DAB1: variants seen among roughly 807,000 people sequenced by gnomAD.
DAB1 encodes disabled homolog 1.
Under a neutral mutation model 64.6 loss-of-function variants are expected in DAB1, and 15 were observed. The ratio of observed to expected loss-of-function variants is 0.23; its 90% confidence interval spans 0.16 to 0.36. DAB1 has a LOEUF of 0.36. DAB1 is among the 10% of genes least tolerant of loss of function. DAB1 has a pLI of 1.00. For synonymous variants in DAB1, 235 were observed against 251.9 expected, an observed-to-expected ratio of 0.93 and a Z score of 0.64; for missense variants, 596 against 706.7, an observed-to-expected ratio of 0.84 and a Z score of 1.78.
In DAB1 at chr1:57,136,825, G is replaced by A. The variant is rs1482082933; in HGVS notation, c.208-184C>T. ...TCCTTGGTGTTTTAGGGTAATGCTT[G>A]TCCTAGTGTTTCTAACACATTGTAT... On this transcript the variant is annotated intron_variant, in intron 3 of 14. Coordinates refer to ENST00000371236, the MANE Select transcript of DAB1 (RefSeq NM_001365792.1). Among the ~76,000 whole-genome samples the A allele has an allele frequency of 2.6e-5, 4 of 152,166 alleles. No individual in the cohort carries two copies. In the South Asian group the frequency reaches 8.3e-4, roughly 32 times the overall value.
rs1646364741 is a variant in DAB1 at position 57,659,842 on chromosome 1, T to G, written n.552-10177A>C. 2.0e-5 allele frequency among the ~76,000 whole-genome samples: 3 copies of G among 152,032 alleles called. No homozygotes were observed. The South Asian group carries it at 6.2e-4, about 32-fold the overall frequency. On this transcript the variant is annotated intron_variant and non_coding_transcript_variant, in intron 6 of 20. Transcript: ENST00000485760. ...AAATACAAAAATTAGCCAGGCTTGG[T>G]GGCACACCCCTGTAATCCCAGCTAC...
At chr1:57,456,276 G>A (rs1276007247) in intron 7 of DAB1, among the ~76,000 whole-genome samples, 1 of 152,094 alleles carries the variant, frequency 6.6e-6, no homozygotes, top group Non-Finnish European at 1.5e-5. Flanking sequence ...AGTCAAAGCT[G>A]CCAATGGTTA....
At position 57,529,671 on chromosome 1, in the gene DAB1, G is replaced by A. The variant is rs1018359041; in HGVS notation, n.625+119921C>T. Among the ~76,000 whole-genome samples the A allele has an allele frequency of 1.5e-4, 23 of 151,988 alleles. 1 individual carries two copies. The highest frequency in any genetic ancestry group is 1.5e-3 in the Admixed American group (23 of 15,244). ...AATTAAAGAAAAGGTCAATTCATCA[G>A]GAAGCTATAACAATCTGAAACATAT... On this transcript the variant is annotated intron_variant and non_coding_transcript_variant, in intron 7 of 20. Transcript: ENST00000485760.
chr1:58,121,046 A>G (rs1271736766), intron 5 of DAB1, among the ~76,000 whole-genome samples: 2 of 152,158 alleles, frequency 1.3e-5, no homozygotes, highest in Non-Finnish European at 2.9e-5. Context: ...TTTTGCTACT[A>G]TCTTGATTTT....
At chr1:57,200,597 A>AGGTC (rs147141599) in intron 2 of DAB1, among the ~76,000 whole-genome samples, 22,739 of 151,942 alleles carry the variant, frequency 0.15, 2,089 homozygotes, top group Admixed American at 0.26. Flanking sequence ...GAGTGTGGTG[A>AGGTC]GGTCTAAATG....
intron 7 of DAB1, among the ~76,000 whole-genome samples, chr1:57,644,371 T>C (rs1356874451): frequency 6.6e-6 from 1 of 152,268 alleles, no homozygotes; most frequent in East Asian, 1.9e-4. Context: ...TAATTTCTTT[T>C]TTGCTGTATT....
At chr1:57,121,196 G>GAGAAGGAGA (rs1322551479) in intron 4 of DAB1, among the ~76,000 whole-genome samples, 1 of 150,980 alleles carries the variant, frequency 6.6e-6, no homozygotes, top group Non-Finnish European at 1.5e-5. Context: ...AGAGAAGAAG[G>GAGAAGGAGA]AGAAGGAGAA....
At chr1:57,699,187 C>T (rs770344063) in intron 6 of DAB1, among the ~76,000 whole-genome samples, 10 of 152,196 alleles carry the variant, frequency 6.6e-5, no homozygotes, top group Admixed American at 6.5e-4. Context: ...GCAATTCTCC[C>T]ACTTTGGCCT....
chr1:57,901,537 CAAAT>C lies in DAB1; in HGVS notation n.388-17379_388-17376del, dbSNP rs1270603668. Among the ~76,000 whole-genome samples, 4 of 152,174 alleles carry C rather than the reference CAAAT, an allele frequency of 2.6e-5. No homozygotes were observed. The East Asian group carries it at 7.7e-4, about 29-fold the overall frequency. ...CTAATAATAGCCCCTCTCACTGCTA[CAAAT>C]AAATACCCCAGCACCCTAACCCACC... is the stretch of plus-strand genomic sequence containing the variant. On this transcript the variant is annotated intron_variant and non_coding_transcript_variant, in intron 5 of 20. Transcript: ENST00000485760.
rs1368194671 is a variant in DAB1 at position 57,636,113 on chromosome 1, A to C, written n.625+13479T>G. Reference sequence around the variant, plus strand: ...CACGGTCTCAAAAAAAAAAAAAAAAACAAAAACAAAAAACTGGTGCCCTTA... The same window carrying C: ...CACGGTCTCAAAAAAAAAAAAAAAACCAAAAACAAAAAACTGGTGCCCTTA... On this transcript the variant is annotated intron_variant and non_coding_transcript_variant, in intron 7 of 20. Coordinates refer to the DAB1 transcript ENST00000485760. Among the ~76,000 whole-genome samples the C allele has an allele frequency of 1.2e-4, 18 of 147,708 alleles. No homozygotes were observed. In the South Asian group the frequency reaches 1.9e-3, roughly 16 times the overall value.
rs1675251306 is a variant in DAB1, at chr1:57,316,795, TAA to T, written c.-136-25631_-136-25630del. ...AAACCAACAGTGACGGCAACCTACA[TAA>T]GGGCATAGACATTCAGATTCTGAGG... On this transcript the variant is annotated intron_variant, in intron 1 of 14. Transcript: ENST00000371236. Among the ~76,000 whole-genome samples, 4 of 152,184 alleles carry T rather than the reference TAA, an allele frequency of 2.6e-5. No individual in the cohort carries two copies. The South Asian group carries it at 8.3e-4, about 32-fold the overall frequency.
intron 7 of DAB1, among the ~76,000 whole-genome samples, chr1:57,446,451 G>C (rs1686140397): frequency 6.6e-6 from 1 of 152,122 alleles, no homozygotes; most frequent in Non-Finnish European, 1.5e-5. Context: ...TAAAAAATTA[G>C]CCGGGCTTGG....
chr1:58,413,431 C>T (rs554575633), intron 3 of DAB1, among the ~76,000 whole-genome samples: 12 of 152,148 alleles, frequency 7.9e-5, no homozygotes, highest in South Asian at 2.1e-4. Context: ...GCCTAAACCA[C>T]GCAGATAAAG....
intron 5 of DAB1, among the ~76,000 whole-genome samples, chr1:58,082,127 A>G (rs1200875942): frequency 6.6e-6 from 1 of 152,230 alleles, no homozygotes; most frequent in Non-Finnish European, 1.5e-5. Context: ...CAGGGCTGCA[A>G]CCAGAGTCCA....
Position 58,049,246 on chromosome 1 carries a change from G to C in DAB1, n.387+101265C>G, listed in dbSNP as rs1418606643. On this transcript the variant is annotated intron_variant and non_coding_transcript_variant, in intron 5 of 20. Transcript: ENST00000485760. ...TCAAAGCTCAGCCCTCCAGTGAAGA[G>C]CTTCCTAAGCTGTTCGGGCTCTTTA... 4.0e-6 allele frequency: 3 copies of C among 756,252 alleles called. No individual in the cohort carries two copies. The African/African-American group carries it at 5.1e-5, about 13-fold the overall frequency. 46.8% of individuals were successfully genotyped at this position (756,252 alleles called of 1,614,324 possible). A position where few individuals can be genotyped will look rare whatever the true frequency, so the allele number is the denominator to read the frequency against.
intron 6 of DAB1, among the ~76,000 whole-genome samples, chr1:57,698,666 C>A (rs555671994): frequency 6.6e-6 from 1 of 152,220 alleles, no homozygotes; most frequent in African/African-American, 2.4e-5. Context: ...AATAAATGAA[C>A]AAGGTAATAA....
intron 7 of DAB1, among the ~76,000 whole-genome samples, chr1:57,470,656 C>T (rs1687104886): frequency 6.6e-6 from 1 of 152,122 alleles, no homozygotes; most frequent in Non-Finnish European, 1.5e-5. Flanking sequence ...TTCAGAAAAG[C>T]AAAGTCTGAA....
chr1:57,801,392 G>A (rs1478950478), intron 6 of DAB1, among the ~76,000 whole-genome samples: 1 of 152,148 alleles, frequency 6.6e-6, no homozygotes, highest in African/African-American at 2.4e-5. Context: ...AGAGAGTTGG[G>A]AAACACAGAG....
At chr1:57,312,742 A>G (rs1453607319) in intron 1 of DAB1, among the ~76,000 whole-genome samples, 3 of 152,120 alleles carry the variant, frequency 2.0e-5, no homozygotes, top group Non-Finnish European at 4.4e-5. Flanking sequence ...CTCGGTGTGC[A>G]GGGAAATGAG....
Sources: gnomAD v4.1 joint callset for allele counts (sites outside exome capture counted in the v4.1 genomes callset) on GRCh38, gnomAD v4.1.1 for gene constraint, MANE v1.5 for transcripts, NCBI Gene and HGNC (gene_info 2026-07-23, HGNC 2026-07-21) for gene names.